The following ATAT1 variants were observed in gnomAD, a reference collection of about 807,000 sequenced individuals.
ATAT1 encodes the protein alpha tubulin acetyltransferase 1.
A neutral mutation model predicts 57.2 loss-of-function variants in ATAT1; 42 were observed. The observed-to-expected ratio is 0.73, with a 90% CI of 0.57 to 0.95. The LOEUF is 0.95. ATAT1 is among the 40% of genes least tolerant of loss of function. The probability of loss-of-function intolerance (pLI) is 0.00; values close to 1 mark genes in which losing one functional copy is unlikely to be tolerated. For synonymous variants in ATAT1, 168 were observed against 187.1 expected (o/e 0.90, Z 0.83); for missense variants, 454 against 523.7 (o/e 0.87, Z 1.30).
intron 6 of ATAT1, among the ~76,000 whole-genome samples, chr6:30,639,570 G>A (rs150529739): frequency 0.029 from 4,442 of 150,774 alleles, 143 homozygotes; most frequent in African/African-American, 0.076. Context: ...TCTGCCTCCC[G>A]GGTTCACGCC....
intron 10 of ATAT1, chr6:30,643,269 C>T (rs1234858609): frequency 6.3e-6 from 9 of 1,421,326 alleles, no homozygotes; most frequent in Middle Eastern, 2.6e-4. Flanking sequence ...GGAAGAACAC[C>T]GAGATCCATC....
chr6:30,644,154 C>T lies in ATAT1; in HGVS notation c.932+1143C>T, dbSNP rs908740619. On this transcript the variant is annotated intron_variant, in intron 10 of 12. Coordinates refer to ENST00000330083, the MANE Select transcript of ATAT1 (RefSeq NM_001031722.4). ...CTCACCATTGCCAAACTCTTCATTT[C>T]CACATTTTGTGTAGGTGTCAGGGAA... is the stretch of plus-strand genomic sequence containing the variant. 9.1e-6 allele frequency: 9 copies of T among 985,830 alleles called. No homozygotes were observed. In the South Asian group the frequency reaches 4.2e-4, roughly 46 times the overall value. The allele number at this position is 985,830 out of a possible 1,614,324, so 61.1% of individuals were successfully genotyped here. A position where few individuals can be genotyped will look rare whatever the true frequency, so the allele number is the denominator to read the frequency against.
At chr6:30,630,831 G>A (rs4947285) in intron 6 of ATAT1, among the ~76,000 whole-genome samples, 18,282 of 149,742 alleles carry the variant, frequency 0.12, 1,445 homozygotes, top group South Asian at 0.23. Flanking sequence ...CCAGCTACTC[G>A]GGAGGCTGAG....
chr6:30,646,151 C>G, intron 12 of ATAT1, 42 bp downstream of exon 12: 1 of 1,592,860 alleles, frequency 6.3e-7, no homozygotes. Context: ...CCACCACCAT[C>G]TGACTCCCTT....
At position 30,642,265 on chromosome 6, in the gene ATAT1, C is replaced by T. The variant is rs3132595; in HGVS notation, c.688+18C>T. The T allele has an allele frequency of 1.2e-5, 20 of 1,613,758 alleles. No individual in the cohort carries two copies. Among genetic ancestry groups the T allele is most frequent in the Non-Finnish European group, 1.6e-5 (19 of 1,179,962 alleles). On this transcript the variant is annotated intron_variant, in intron 9 of 12. Coordinates refer to ENST00000330083, the MANE Select transcript of ATAT1 (RefSeq NM_001031722.4). ...CCGAGAATGTAAGAGGGGCAAGGGT[C>T]GGGTGTCTGGGCCTGGGGTACCTTA...
In ATAT1 at chr6:30,642,754, C is replaced by T. The variant is rs1380605772; in HGVS notation, c.689-14C>T. On this transcript the variant is annotated splice_polypyrimidine_tract_variant and intron_variant, in intron 9 of 12. Coordinates refer to ENST00000330083, the MANE Select transcript of ATAT1 (RefSeq NM_001031722.4). ...TTCTTTTTCTGTCTTGCTCTTCATT[C>T]TCCCTGTCCCCAGTTCTGAAGGTAG... is the stretch of plus-strand genomic sequence containing the variant. The T allele has an allele frequency of 6.4e-7, 1 of 1,555,114 alleles. No homozygotes were observed. Among genetic ancestry groups the T allele is most frequent in the African/African-American group, 1.4e-5 (1 of 73,754 alleles).
intron 6 of ATAT1, among the ~76,000 whole-genome samples, chr6:30,628,850 G>A (rs930243776): frequency 4.0e-5 from 6 of 151,052 alleles, no homozygotes; most frequent in African/African-American, 9.7e-5. Flanking sequence ...TGATCTGCCC[G>A]CCTTGGCCTC....
In ATAT1 at chr6:30,627,897, A is replaced by C. The variant is rs1347894052; in HGVS notation, c.271A>C (p.Lys91Gln). 1.2e-6 allele frequency: 2 copies of C among 1,612,896 alleles called. No homozygotes were observed. Among genetic ancestry groups the C allele is most frequent in the Non-Finnish European group, 1.7e-6 (2 of 1,180,020 alleles). ...TGGTTTCATCAAAGTTGGATACAAG[A>C]AGCTCTTTGTACTGGTGAGTGTTAT... Residue 91 changes from lysine (K) to glutamine (Q), a missense_variant, in exon 4 of 13, where the codon AAG becomes CAG. By Grantham distance (53) the Lys-to-Gln change is moderately conservative. Transcript: ENST00000330083.
Position 30,642,831 on chromosome 6 carries a change from C to CCGGGGGGGGGCG in ATAT1, c.752_753insCGGGGGGGGGCG (p.Pro251_Ala252insGlyGlyGlyArg). On this transcript the variant is annotated inframe_insertion, in exon 10 of 13. Coordinates refer to ENST00000330083, the MANE Select transcript of ATAT1 (RefSeq NM_001031722.4). ...AGGGCCCCTCGCCGCGCCACACCTCCAGCCCACCCACCCCCCCGCTCCAGC... is the reference window on the plus strand; with the variant it reads ...AGGGCCCCTCGCCGCGCCACACCTCCCGGGGGGGGGCGAGCCCACCCACCCCCCCGCTCCAGC... 6.3e-7 allele frequency: 1 copy of CCGGGGGGGGGCG among 1,583,212 alleles called. No homozygotes were observed. Among genetic ancestry groups the CCGGGGGGGGGCG allele is most frequent in the Non-Finnish European group, 8.6e-7 (1 of 1,162,438 alleles).
At chr6:30,644,418 T>C (rs1207433129) in intron 10 of ATAT1, 3 of 985,826 alleles carry the variant, frequency 3.0e-6, no homozygotes, top group Non-Finnish European at 3.6e-6. Flanking sequence ...CTGTCCTTCC[T>C]CTCTCCTTTC....
intron 6 of ATAT1, among the ~76,000 whole-genome samples, chr6:30,631,868 AG>A (rs919167515): frequency 5.3e-5 from 8 of 152,132 alleles, no homozygotes; most frequent in Non-Finnish European, 7.4e-5. Flanking sequence ...TATGGCCGTG[AG>A]GTGGGAGTGT....
intron 10 of ATAT1, among the ~76,000 whole-genome samples, chr6:30,645,364 C>T (rs941574859): frequency 6.6e-6 from 1 of 152,094 alleles, no homozygotes; most frequent in Non-Finnish European, 1.5e-5. Context: ...TACAGAAGTG[C>T]ACCACCGTGC....
At chr6:30,632,905 G>A (rs1036561588) in intron 6 of ATAT1, among the ~76,000 whole-genome samples, 7 of 149,930 alleles carry the variant, frequency 4.7e-5, no homozygotes, top group Middle Eastern at 6.9e-3. Flanking sequence ...CCACTGCACT[G>A]CACTCTAGCC....
chr6:30,638,555 C>T (rs975004112), intron 6 of ATAT1, among the ~76,000 whole-genome samples: 1 of 151,860 alleles, frequency 6.6e-6, no homozygotes, highest in Non-Finnish European at 1.5e-5. Context: ...CAGGCGTGAT[C>T]CACCACGCCT....
At position 30,642,833 on chromosome 6, in the gene ATAT1, G is replaced by GAGACCC; in HGVS notation, c.754_755insAGACCC (p.Ala252delinsGluThrPro). ...GGCCCCTCGCCGCGCCACACCTCCA[G>GAGACCC]CCCACCCACCCCCCCGCTCCAGCAG... On this transcript the variant is annotated protein_altering_variant, in exon 10 of 13. Coordinates refer to ENST00000330083, the MANE Select transcript of ATAT1 (RefSeq NM_001031722.4). 6.5e-7 allele frequency: 1 copy of GAGACCC among 1,537,878 alleles called. No individual in the cohort carries two copies. The highest frequency in any genetic ancestry group is 1.9e-5 in the Admixed American group (1 of 52,406).
In ATAT1 at chr6:30,645,940, CCATGGGGGGGT is replaced by C; in HGVS notation, c.979_989del (p.His327GlufsTer22). The C allele has an allele frequency of 6.5e-7, 1 of 1,536,834 alleles. No individual in the cohort carries two copies. The highest frequency in any genetic ancestry group is 8.8e-7 in the Non-Finnish European group (1 of 1,140,756). ...TAGCCCAAAGCTGCTGCTACAGCCG[CCATGGGGGGGT>C]GAATTCCTCATCCCCCAATACAGGT... On this transcript the variant is annotated frameshift_variant, in exon 11 of 13. Transcript: ENST00000330083. LOFTEE classifies it high-confidence loss of function.
intron 6 of ATAT1, among the ~76,000 whole-genome samples, chr6:30,628,859 T>G (rs1181063099): frequency 1.3e-5 from 2 of 151,546 alleles, no homozygotes; most frequent in Non-Finnish European, 2.9e-5. Context: ...CGCCTTGGCC[T>G]CCCAAAATGC....
intron 3 of ATAT1, 21 bp from the exon 4 acceptor site, chr6:30,627,830 A>G: frequency 1.9e-6 from 3 of 1,612,398 alleles, no homozygotes; most frequent in Non-Finnish European, 2.5e-6. Context: ...TAGCCTGTTC[A>G]TTATTTTCCC....
chr6:30,629,238 AT>A (rs1762323616), intron 6 of ATAT1, among the ~76,000 whole-genome samples: 1 of 143,924 alleles, frequency 6.9e-6, no homozygotes, highest in Non-Finnish European at 1.5e-5. Context: ...CCTACACCTA[AT>A]TTTTCTTTTT....
Sources: gnomAD v4.1 joint callset for allele counts (sites outside exome capture counted in the v4.1 genomes callset) on GRCh38, gnomAD v4.1.1 for gene constraint, MANE v1.5 for transcripts, NCBI Gene and HGNC (gene_info 2026-07-23, HGNC 2026-07-21) for gene names.